Variants in TBL1X observed in about 807,000 individuals in gnomAD.
TBL1X encodes F-box-like/WD repeat-containing protein TBL1X.
Under a neutral mutation model 50.7 loss-of-function variants are expected in TBL1X, and 10 were observed. The observed-to-expected ratio is 0.20, with a 90% CI of 0.12 to 0.33. The LOEUF is 0.33. TBL1X is among the 10% of genes least tolerant of loss of function. The probability of loss-of-function intolerance (pLI) is 1.00; values close to 1 mark genes in which losing one functional copy is unlikely to be tolerated. For missense variants in TBL1X, 340 were observed against 504.4 expected (o/e 0.67, Z 3.12); for synonymous variants, 190 against 214.7 (o/e 0.88, Z 1.01).
At chrX:9,550,893 G>A (rs1230280339) in intron 2 of TBL1X, among the ~76,000 whole-genome samples, 2 of 110,759 alleles carry the variant, frequency 1.8e-5, no homozygotes, top group Admixed American at 9.6e-5. Context: ...GGGGAAATGG[G>A]TGGTGCTCCT....
intron 2 of TBL1X, among the ~76,000 whole-genome samples, chrX:9,624,304 C>A (rs116180080): frequency 0.053 from 5,873 of 111,570 alleles, 183 homozygotes; most frequent in African/African-American, 0.11. Flanking sequence ...AAATGAAATT[C>A]ACATAGCATC....
intron 2 of TBL1X, among the ~76,000 whole-genome samples, chrX:9,507,689 C>G (rs1411874092): frequency 8.9e-6 from 1 of 112,084 alleles, no homozygotes; most frequent in African/African-American, 3.2e-5. Flanking sequence ...TGACTTCAAA[C>G]TATACTACAA....
rs770290139 is a variant in TBL1X at position 9,633,645 on chromosome X, C to G, written c.-130-6628C>G. Among the ~76,000 whole-genome samples, 64 of 111,956 alleles carry G rather than the reference C, an allele frequency of 5.7e-4. 1 individual carries two copies. The highest frequency in any genetic ancestry group is 1.8e-3 in the Admixed American group (19 of 10,560). On this transcript the variant is annotated intron_variant, in intron 2 of 17. Transcript: ENST00000645353. ...TTGGCACACTTGCATTCATTTTAGT[C>G]AAGTACTGTCACCTTTAGATTTCAA...
At chrX:9,483,271 G>A (rs751017992) in intron 1 of TBL1X, among the ~76,000 whole-genome samples, 9 of 112,242 alleles carry the variant, frequency 8.0e-5, no homozygotes, top group African/African-American at 2.6e-4. Context: ...ATCTCATGGG[G>A]CTTTGAAAGC....
chrX:9,547,121 T>G (rs1392189937), intron 2 of TBL1X, among the ~76,000 whole-genome samples: 1 of 110,112 alleles, frequency 9.1e-6, no homozygotes, highest in African/African-American at 3.3e-5. Flanking sequence ...CCCGGCCTTA[T>G]TCTTAATTTT....
At position 9,551,094 on chromosome X, in the gene TBL1X, A is replaced by G. The variant is rs570390698; in HGVS notation, c.-131+49245A>G. Reference sequence around the variant, plus strand: ...AAAATATATGTATAGACACGTACATATATATACGTGTACATACACATGTAG... The same window carrying G: ...AAAATATATGTATAGACACGTACATGTATATACGTGTACATACACATGTAG... On this transcript the variant is annotated intron_variant, in intron 2 of 17. Transcript: ENST00000645353. Among the ~76,000 whole-genome samples, 87 of 111,567 alleles carry G rather than the reference A, an allele frequency of 7.8e-4. No homozygotes were observed. The Middle Eastern group carries it at 0.014, about 18-fold the overall frequency.
At chrX:9,611,747 C>T (rs2082614744) in intron 2 of TBL1X, among the ~76,000 whole-genome samples, 1 of 112,287 alleles carries the variant, frequency 8.9e-6, no homozygotes, top group Non-Finnish European at 1.9e-5. Context: ...CTGTTGCCCA[C>T]AAAGCCCATC....
intron 2 of TBL1X, among the ~76,000 whole-genome samples, chrX:9,607,297 G>A (rs970319468): frequency 1.8e-5 from 2 of 112,951 alleles, no homozygotes; most frequent in African/African-American, 6.4e-5. Context: ...CGGACATTTC[G>A]CAGATTCCTA....
At chrX:9,507,669 T>G (rs2082033052) in intron 2 of TBL1X, among the ~76,000 whole-genome samples, 1 of 112,093 alleles carries the variant, frequency 8.9e-6, no homozygotes, top group African/African-American at 3.2e-5. Context: ...GCTGGAGGCA[T>G]CATGCTACCT....
intron 2 of TBL1X, among the ~76,000 whole-genome samples, chrX:9,573,053 A>G (rs978106911): frequency 3.5e-5 from 4 of 113,021 alleles, no homozygotes; most frequent in Admixed American, 9.3e-5. Flanking sequence ...ATAAGGCATT[A>G]TCTTCACTTT....
At chrX:9,706,839 C>T (rs1433887694) in intron 13 of TBL1X, among the ~76,000 whole-genome samples, 1 of 111,353 alleles carries the variant, frequency 9.0e-6, no homozygotes, top group Non-Finnish European at 1.9e-5. Flanking sequence ...TGAGCCCTGC[C>T]TGGAATGCTC....
chrX:9,652,361 G>T (rs1201885290), intron 3 of TBL1X, among the ~76,000 whole-genome samples: 1 of 112,010 alleles, frequency 8.9e-6, no homozygotes, highest in Non-Finnish European at 1.9e-5. Flanking sequence ...TGGGGGTAAG[G>T]TATGTCCCTG....
intron 2 of TBL1X, among the ~76,000 whole-genome samples, chrX:9,615,739 C>T (rs12393951): frequency 0.028 from 3,084 of 111,997 alleles, 98 homozygotes; most frequent in African/African-American, 0.093. Context: ...CCTTTCCCAT[C>T]CTTGGCCAGA....
chrX:9,549,667 G>A (rs971642089), intron 2 of TBL1X, among the ~76,000 whole-genome samples: 30 of 111,664 alleles, frequency 2.7e-4, no homozygotes, highest in African/African-American at 8.5e-4. Flanking sequence ...TAGGTTTAAT[G>A]ACTCAAAAGA....
chrX:9,613,265 T>C (rs2146560800), intron 2 of TBL1X, among the ~76,000 whole-genome samples: 1 of 111,414 alleles, frequency 9.0e-6, no homozygotes, highest in African/African-American at 3.3e-5. Context: ...CCCTGCAGAC[T>C]CCAATAGGAG....
At chrX:9,489,755 A>G (rs2081931516) in intron 1 of TBL1X, among the ~76,000 whole-genome samples, 1 of 111,629 alleles carries the variant, frequency 9.0e-6, no homozygotes, top group South Asian at 3.8e-4. Context: ...GGGCTATTCT[A>G]GTCTGAAAGC....
At chrX:9,610,382 T>C (rs2082607547) in intron 2 of TBL1X, among the ~76,000 whole-genome samples, 1 of 112,931 alleles carries the variant, frequency 8.9e-6, no homozygotes, top group African/African-American at 3.2e-5. Flanking sequence ...GCAAGCTTAC[T>C]AATTTGTTTC....
intron 2 of TBL1X, among the ~76,000 whole-genome samples, chrX:9,627,129 G>A (rs2082696589): frequency 9.0e-6 from 1 of 111,700 alleles, no homozygotes; most frequent in African/African-American, 3.3e-5. Context: ...GATTTTAACA[G>A]TAATTAGGGT....
intron 16 of TBL1X, among the ~76,000 whole-genome samples, chrX:9,714,438 G>T (rs894726686): frequency 9.4e-4 from 105 of 111,633 alleles, no homozygotes; most frequent in African/African-American, 3.2e-3. Flanking sequence ...TGGAAACAGG[G>T]AGGAAGGTAG....
Sources: gnomAD v4.1 joint callset for allele counts (sites outside exome capture counted in the v4.1 genomes callset) on GRCh38, gnomAD v4.1.1 for gene constraint, MANE v1.5 for transcripts, NCBI Gene and HGNC (gene_info 2026-07-23, HGNC 2026-07-21) for gene names.